Variants in SI observed in about 807,000 individuals in gnomAD.
The protein encoded by SI is sucrase-isomaltase, also known as sucrase-isomaltase, intestinal.
A neutral mutation model predicts 253.3 loss-of-function variants in SI; 235 were observed. The observed-to-expected ratio is 0.93, with a 90% confidence interval of 0.83 to 1.03. SI has a LOEUF of 1.03. Ranked by LOEUF, SI falls within the 50% of genes least tolerant of loss-of-function variation. SI has a pLI of 0.00. For missense variants in SI, 2,442 were observed against 2,211.1 expected (o/e 1.10, Z -2.09); for synonymous variants, 819 against 712.0 (o/e 1.15, Z -2.39).
Position 165,043,161 on chromosome 3 carries a change from G to A in SI, c.1902C>T (p.Ile634=). The A allele has an allele frequency of 6.2e-7, 1 of 1,608,836 alleles. No individual in the cohort carries two copies. The highest frequency in any genetic ancestry group is 1.7e-4 in the Middle Eastern group (1 of 5,948). Residue 634 remains isoleucine, a synonymous_variant, in exon 17 of 48, where the codon ATC becomes ATT. Transcript: ENST00000264382. The stretch of plus-strand genomic sequence containing the variant: ...CTGTGGTTTCAGCCACAAATCCACA[G>A]ATGTCTGCTCCAACCTAAATAACAA... The part of the protein sequence containing the change: ...LFGIPLVGAD[I]CGFVAETTEE...
At chr3:165,065,480 T>TATATATATATATATATATATATATAG (rs1714200158) in intron 6 of SI, 48 bp from the exon 7 acceptor site, 1 of 274,154 alleles carries the variant, frequency 3.6e-6, no homozygotes, top group Non-Finnish European at 5.9e-6. Flanking sequence ...TATATATATA[T>TATATATATATATATATATATATATAG]ATATATATAT....
intron 40 of SI, among the ~76,000 whole-genome samples, chr3:164,994,984 G>C: frequency 6.6e-6 from 1 of 151,736 alleles, no homozygotes; most frequent in East Asian, 1.9e-4. Context: ...CTAAAGTTTA[G>C]AGTGGAAGAT....
intron 45 of SI, among the ~76,000 whole-genome samples, chr3:164,985,644 AT>A (rs1302422360): frequency 6.6e-6 from 1 of 152,176 alleles, no homozygotes; most frequent in Non-Finnish European, 1.5e-5. Context: ...CGGATAAGTT[AT>A]TTAAATTGCA....
chr3:164,984,118 A>G (rs2108111649), intron 45 of SI, among the ~76,000 whole-genome samples: 1 of 152,280 alleles, frequency 6.6e-6, no homozygotes, highest in Admixed American at 6.5e-5. Flanking sequence ...AATGTCTGGA[A>G]TCAAACCCAG....
intron 15 of SI, among the ~76,000 whole-genome samples, chr3:165,048,125 T>C (rs2108230264): frequency 6.6e-6 from 1 of 152,194 alleles, no homozygotes; most frequent in Middle Eastern, 3.4e-3. Context: ...AGAGTTCTGG[T>C]ATCAGTATGA....
rs1718664499 is a variant in SI, at chr3:165,009,393, A to G, written c.4065T>C (p.Ala1355=). The G allele has an allele frequency of 1.2e-6, 2 of 1,610,300 alleles. No individual in the cohort carries two copies. Among genetic ancestry groups the G allele is most frequent in the African/African-American group, 1.3e-5 (1 of 74,832 alleles). The change falls in exon 35 of 48, where the codon GCT becomes GCC. Residue 1355 remains alanine, a splice_region_variant and synonymous_variant. Transcript: ENST00000264382. The part of the protein sequence containing the change: ...KTLTEDEAVN[A]SRAHVAFPDF... The stretch of plus-strand genomic sequence containing the variant: ...CTGGGAAAGCTACATGAGCTCTGGA[A>G]GCCTGTAAAACCAAAATTTAGGCTC...
the SI span, among the ~76,000 whole-genome samples, chr3:165,087,398 G>T: frequency 6.6e-6 from 1 of 152,110 alleles, no homozygotes; most frequent in African/African-American, 2.4e-5. Context: ...CAAGAGAATG[G>T]AAAGAGATAT....
chr3:164,987,371 C>T (rs1717488512), intron 44 of SI, 145 bp from the exon 45 acceptor site: 1 of 678,392 alleles, frequency 1.5e-6, no homozygotes, highest in Non-Finnish European at 2.6e-6. Context: ...TAAAGCATTT[C>T]CATTTTTCTA....
chr3:165,036,467 G>T lies in SI; in HGVS notation c.2437C>A (p.Pro813Thr), dbSNP rs1712536855. The T allele has an allele frequency of 4.3e-6, 7 of 1,610,002 alleles. No homozygotes were observed. The highest frequency in any genetic ancestry group is 2.2e-5 in the East Asian group (1 of 44,596). ...DVTTTASRKN[P>T]LGLIVALGEN... The stretch of plus-strand genomic sequence containing the variant: ...CCTAATGCGACTATAAGTCCTAGAG[G>T]ATTCTTACGGCTGTTAAGAAAAATT... Residue 813 changes from proline to threonine, a missense_variant, in exon 22 of 48, where the codon CCT (proline) becomes ACT (threonine). Transcript: ENST00000264382.
At chr3:165,071,752 A>T (rs1714593267) in intron 3 of SI, among the ~76,000 whole-genome samples, 1 of 152,122 alleles carries the variant, frequency 6.6e-6, no homozygotes, top group African/African-American at 2.4e-5. Flanking sequence ...CTGTGCACGA[A>T]GAGGAAATAC....
intron 25 of SI, among the ~76,000 whole-genome samples, chr3:165,029,528 C>T (rs930448173): frequency 7.2e-6 from 1 of 138,608 alleles, no homozygotes; most frequent in Admixed American, 8.0e-5. Flanking sequence ...TGGAACCAAA[C>T]CAAATGTTCA....
At chr3:165,056,195 CAT>C (rs1370880891) in intron 12 of SI, among the ~76,000 whole-genome samples, 1 of 152,112 alleles carries the variant, frequency 6.6e-6, no homozygotes, top group East Asian at 1.9e-4. Context: ...CTGGTGTTAA[CAT>C]GTGTTCTGTG....
At chr3:165,021,069 T>C (rs1711582577) in intron 27 of SI, among the ~76,000 whole-genome samples, 160 bp downstream of exon 27, 2 of 151,698 alleles carry the variant, frequency 1.3e-5, no homozygotes, top group Non-Finnish European at 3.0e-5. Context: ...CCATGGACTA[T>C]GTTTAGCTAG....
chr3:165,089,173 A>G, the SI span, among the ~76,000 whole-genome samples: 7 of 151,870 alleles, frequency 4.6e-5, no homozygotes, highest in Non-Finnish European at 7.4e-5. Flanking sequence ...GCAAATTTAA[A>G]TCAGAAGATA....
In SI at chr3:165,074,658, T is replaced by A; in HGVS notation, c.128A>T (p.Asp43Val). Residue 43 changes from aspartate to valine, a missense_variant, in exon 3 of 48, where the codon GAT becomes GTT. Asp to Val is a radical substitution (Grantham distance 152). Coordinates refer to ENST00000264382, the MANE Select transcript of SI (RefSeq NM_001041.4). The part of the protein sequence containing the change: ...TKTPAVDEIS[D>V]STSTPATTRV... ...AGTAGTAGCTGGAGTTGAAGTAGAA[T>A]CACTAATTTCTGGGGGAGGAAAAAA... 1 of 1,609,444 alleles carries A rather than the reference T, an allele frequency of 6.2e-7. No individual in the cohort carries two copies. The highest frequency in any genetic ancestry group is 8.5e-7 in the Non-Finnish European group (1 of 1,176,676).
chr3:164,979,331 T>A lies in SI; in HGVS notation c.*31A>T. 1 of 1,327,998 alleles carries A rather than the reference T, an allele frequency of 7.5e-7. No homozygotes were observed. Among genetic ancestry groups the A allele is most frequent in the Non-Finnish European group, 1.1e-6 (1 of 921,936 alleles). The allele number at this position is 1,327,998 out of a possible 1,614,324, so 82.3% of individuals were successfully genotyped here. ...GTGAAACTTAAATCCTGGTGTTTTTTCCCATTGACAACTAAAATTGATGGT... is the reference window on the plus strand; with the variant it reads ...GTGAAACTTAAATCCTGGTGTTTTTACCCATTGACAACTAAAATTGATGGT... On this transcript the variant is annotated 3_prime_UTR_variant, in exon 48 of 48. Transcript: ENST00000264382.
rs181629015 is a variant in SI, at chr3:164,989,585, T to G, written c.5108+1768A>C. On this transcript the variant is annotated intron_variant, in intron 44 of 47. Coordinates refer to ENST00000264382, the MANE Select transcript of SI (RefSeq NM_001041.4). ...ATGGAGTAGTGATACTGCCAGTGAA[T>G]GTCTACATTTTCATGTACTATAATG... 1.7e-3 allele frequency among the ~76,000 whole-genome samples: 257 copies of G among 152,058 alleles called. 1 individual carries two copies. The highest frequency in any genetic ancestry group is 5.7e-3 in the African/African-American group (236 of 41,498).
Position 165,010,535 on chromosome 3 carries a change from G to A in SI, c.4063-1140C>T, listed in dbSNP as rs960063915. 6.3e-4 allele frequency among the ~76,000 whole-genome samples: 96 copies of A among 152,120 alleles called. 3 individuals are homozygous for A. The highest frequency in any genetic ancestry group is 1.9e-4 in the Non-Finnish European group (13 of 68,008). On this transcript the variant is annotated intron_variant, in intron 34 of 47. Transcript: ENST00000264382. ...CCTATTAATTACATTTTACTCATAA[G>A]GATAGAAGGCTTGGTGGGATTATAT...
chr3:164,989,656 G>A (rs1717637545), intron 44 of SI, among the ~76,000 whole-genome samples: 1 of 151,846 alleles, frequency 6.6e-6, no homozygotes, highest in Non-Finnish European at 1.5e-5. Flanking sequence ...GCAGAGAAAG[G>A]GAAACAGCAA....
Sources: allele counts gnomAD v4.1 joint callset (sites outside exome capture counted in the v4.1 genomes callset), GRCh38; gene constraint gnomAD v4.1.1; transcripts MANE v1.5; gene names NCBI Gene and HGNC (gene_info 2026-07-23, HGNC 2026-07-21).